The following RABGAP1L variants were observed in gnomAD, a reference collection of about 807,000 sequenced individuals.
The protein encoded by RABGAP1L is rab GTPase-activating protein 1-like.
In RABGAP1L, 63 loss-of-function variants were observed where a neutral mutation model predicts 137.7. The observed-to-expected ratio is 0.46, with a 90% CI of 0.37 to 0.56. RABGAP1L has a LOEUF of 0.56. Among genes scored for constraint, RABGAP1L ranks in the 20% least tolerant of loss-of-function variants. RABGAP1L has a pLI of 0.00. For missense variants in RABGAP1L, 1,095 were observed against 1,244.0 expected (o/e 0.88, Z 1.80); for synonymous variants, 431 against 433.7 (o/e 0.99, Z 0.08).
At chr1:174,923,030 G>C (rs1247468298) in intron 19 of RABGAP1L, among the ~76,000 whole-genome samples, 1 of 151,916 alleles carries the variant, frequency 6.6e-6, no homozygotes, top group Non-Finnish European at 1.5e-5. Context: ...AAACAGCCAA[G>C]TATGGTGGCA....
intron 12 of RABGAP1L, among the ~76,000 whole-genome samples, chr1:174,371,812 A>G (rs1444695940): frequency 1.3e-5 from 2 of 152,210 alleles, no homozygotes; most frequent in Admixed American, 1.3e-4. Flanking sequence ...TTCACAGTTC[A>G]GTAGAAGAAA....
chr1:174,788,580 T>C (rs1558079451), intron 18 of RABGAP1L, among the ~76,000 whole-genome samples: 1 of 152,234 alleles, frequency 6.6e-6, no homozygotes, highest in Non-Finnish European at 1.5e-5. Flanking sequence ...TGTCCTGCCC[T>C]CTGCTATTAG....
At chr1:174,803,924 T>A (rs1406012061) in intron 18 of RABGAP1L, among the ~76,000 whole-genome samples, 1 of 151,764 alleles carries the variant, frequency 6.6e-6, no homozygotes, top group African/African-American at 2.4e-5. Context: ...AATACAAAAA[T>A]TAGTCAGGTG....
intron 19 of RABGAP1L, among the ~76,000 whole-genome samples, chr1:174,903,347 A>T (rs997699097): frequency 2.6e-5 from 4 of 152,238 alleles, no homozygotes; most frequent in African/African-American, 9.6e-5. Context: ...GGTGAAATAC[A>T]TGAGCCTTTG....
intron 8 of RABGAP1L, among the ~76,000 whole-genome samples, chr1:174,273,165 A>G (rs145078716): frequency 6.6e-6 from 1 of 152,226 alleles, no homozygotes; most frequent in East Asian, 1.9e-4. Flanking sequence ...TTTAGTGATA[A>G]TAAGCACTAT....
chr1:174,637,342 T>C (rs769080144), intron 13 of RABGAP1L, 33 bp from the exon 14 acceptor site: 10 of 1,467,184 alleles, frequency 6.8e-6, no homozygotes, highest in South Asian at 1.2e-5. Flanking sequence ...GGGAAAAAAT[T>C]TAATAACCAG....
At chr1:174,904,417 T>C (rs2149170657) in intron 19 of RABGAP1L, among the ~76,000 whole-genome samples, 1 of 152,244 alleles carries the variant, frequency 6.6e-6, no homozygotes, top group Non-Finnish European at 1.5e-5. Context: ...TTTCGCACCA[T>C]ACTGGGTTAC....
chr1:174,538,342 C>T (rs1387111386), intron 13 of RABGAP1L, among the ~76,000 whole-genome samples: 1 of 152,130 alleles, frequency 6.6e-6, no homozygotes, highest in East Asian at 1.9e-4. Context: ...TAACCCTTCC[C>T]TTATAGTTCT....
At chr1:174,208,828 A>G (rs1186169868) in intron 1 of RABGAP1L, among the ~76,000 whole-genome samples, 2 of 152,168 alleles carry the variant, frequency 1.3e-5, no homozygotes, top group African/African-American at 4.8e-5. Flanking sequence ...TGGAAAATTG[A>G]TATTATTTCT....
intron 10 of RABGAP1L, among the ~76,000 whole-genome samples, chr1:174,301,318 C>A (rs1186306175): frequency 6.6e-6 from 1 of 150,736 alleles, no homozygotes; most frequent in African/African-American, 2.4e-5. Flanking sequence ...GGTGTTACAG[C>A]ATGCTAATTA....
intron 19 of RABGAP1L, among the ~76,000 whole-genome samples, chr1:174,842,421 T>C (rs1693515402): frequency 6.6e-6 from 1 of 152,178 alleles, no homozygotes; most frequent in South Asian, 2.1e-4. Flanking sequence ...CCTGGTTAGG[T>C]CATAAACTAC....
chr1:174,904,172 GA>G (rs764879259), intron 19 of RABGAP1L, among the ~76,000 whole-genome samples: 8 of 152,014 alleles, frequency 5.3e-5, no homozygotes, highest in Admixed American at 2.0e-4. Flanking sequence ...CAATAAGCTT[GA>G]GGAAAATCTT....
At chr1:174,399,657 T>C (rs1033760199) in intron 13 of RABGAP1L, among the ~76,000 whole-genome samples, 1 of 152,112 alleles carries the variant, frequency 6.6e-6, no homozygotes, top group Non-Finnish European at 1.5e-5. Context: ...AGAGGTTTAA[T>C]TGACTCACAG....
At chr1:174,957,965 G>T in intron 20 of RABGAP1L, 1 of 1,570,238 alleles carries the variant, frequency 6.4e-7, no homozygotes, top group South Asian at 1.2e-5. Flanking sequence ...AGAAAGAGAG[G>T]GGAAAAAGAA....
intron 1 of RABGAP1L, among the ~76,000 whole-genome samples, chr1:174,175,894 G>A (rs983433072): frequency 1.3e-5 from 2 of 152,034 alleles, no homozygotes; most frequent in Admixed American, 6.5e-5. Flanking sequence ...CAGAGTGCTG[G>A]GATTAGAGAC....
At chr1:174,454,088 TC>T (rs1268490361) in intron 13 of RABGAP1L, among the ~76,000 whole-genome samples, 1 of 151,846 alleles carries the variant, frequency 6.6e-6, no homozygotes, top group African/African-American at 2.4e-5. Flanking sequence ...AATGGTGAAA[TC>T]CCATCTCTAC....
chr1:174,574,121 A>G (rs1668191376), intron 13 of RABGAP1L, among the ~76,000 whole-genome samples: 1 of 152,248 alleles, frequency 6.6e-6, no homozygotes, highest in Non-Finnish European at 1.5e-5. Context: ...GTTACTGGGT[A>G]GAACTTGAAA....
At chr1:174,840,072 G>T (rs1253180559) in intron 19 of RABGAP1L, among the ~76,000 whole-genome samples, 1 of 152,074 alleles carries the variant, frequency 6.6e-6, no homozygotes, top group African/African-American at 2.4e-5. Flanking sequence ...TCACATTTAG[G>T]GGACTAAGGA....
chr1:174,856,610 A>G (rs897514406), intron 19 of RABGAP1L, among the ~76,000 whole-genome samples: 2 of 151,940 alleles, frequency 1.3e-5, no homozygotes, highest in Admixed American at 6.6e-5. Flanking sequence ...TTACTTTGCT[A>G]TTTTATGTAT....
Sources: allele counts gnomAD v4.1 joint callset (sites outside exome capture counted in the v4.1 genomes callset), GRCh38; gene constraint gnomAD v4.1.1; transcripts MANE v1.5; gene names NCBI Gene and HGNC (gene_info 2026-07-23, HGNC 2026-07-21).